NAT10: variants seen among roughly 807,000 people sequenced by gnomAD.
The protein encoded by NAT10 is RNA cytidine acetyltransferase.
A neutral mutation model predicts 132.2 loss-of-function variants in NAT10; 109 were observed. The observed-to-expected ratio is 0.82, with a 90% CI of 0.71 to 0.97. The LOEUF (loss-of-function observed/expected upper bound fraction) is 0.97. NAT10 is among the 50% of genes least tolerant of loss of function. The pLI is 0.00. For missense variants in NAT10, 1,184 were observed against 1,263.4 expected (o/e 0.94, Z 0.95); for synonymous variants, 479 against 478.0 (o/e 1.00, Z -0.03).
intron 12 of NAT10, among the ~76,000 whole-genome samples, chr11:34,129,599 C>CTTTTTTTTTTTT (rs71037399): frequency 1.8e-5 from 1 of 56,726 alleles, no homozygotes; most frequent in Admixed American, 2.9e-4. Context: ...TCTTCTTCTT[C>CTTTTTTTTTTTT]TTTTTTTTTT....
At chr11:34,117,349 T>C (rs1851799499) in intron 6 of NAT10, among the ~76,000 whole-genome samples, 1 of 152,196 alleles carries the variant, frequency 6.6e-6, no homozygotes, top group Non-Finnish European at 1.5e-5. Flanking sequence ...GGAAATGTTT[T>C]GATCGTAATG....
chr11:34,127,007 C>T (rs761055776), intron 11 of NAT10, among the ~76,000 whole-genome samples: 3 of 152,122 alleles, frequency 2.0e-5, no homozygotes, highest in African/African-American at 7.2e-5. Context: ...CCACTGGGGT[C>T]GAGCTATGCC....
At chr11:34,126,763 C>T (rs1852000921) in intron 11 of NAT10, among the ~76,000 whole-genome samples, 1 of 152,154 alleles carries the variant, frequency 6.6e-6, no homozygotes, top group Admixed American at 6.5e-5. Flanking sequence ...ATTCAGGTTT[C>T]CTATAAGATA....
intron 5 of NAT10, among the ~76,000 whole-genome samples, 186 bp downstream of exon 5, chr11:34,114,024 A>G (rs2957482): frequency 0.99 from 151,129 of 152,346 alleles, 74,973 homozygotes; most frequent in East Asian, 1. Context: ...GTCCATGAGT[A>G]TGCCTAGGAA....
chr11:34,128,648 A>G (rs1036254387), intron 12 of NAT10, among the ~76,000 whole-genome samples: 13 of 152,212 alleles, frequency 8.5e-5, no homozygotes, highest in African/African-American at 1.4e-4. Context: ...AAATACTGAA[A>G]TAAAATGGAT....
Position 34,131,418 on chromosome 11 carries a change from C to T in NAT10, c.1407C>T (p.Ile469=). 1 of 1,614,162 alleles carries T rather than the reference C, an allele frequency of 6.2e-7. No individual in the cohort carries two copies. The highest frequency in any genetic ancestry group is 8.5e-7 in the Non-Finnish European group (1 of 1,180,026). The change falls in exon 14 of 29, where the codon ATC becomes ATT. Residue 469 remains isoleucine, a synonymous_variant. Transcript: ENST00000257829. Reference sequence around the variant, plus strand: ...ATGAGGTTTCCCTCCAGGAGTCAATCCGATACGCCCCTGGGGATGCAGTGG... The same window carrying T: ...ATGAGGTTTCCCTCCAGGAGTCAATTCGATACGCCCCTGGGGATGCAGTGG... ...TLYEVSLQES[I]RYAPGDAVEK... is the part of the protein sequence containing the mutation.
chr11:34,113,974 AT>A, intron 5 of NAT10, 136 bp downstream of exon 5: 1 of 1,033,864 alleles, frequency 9.7e-7, no homozygotes. Context: ...GAGCTCTTTG[AT>A]TTTAACTAAT....
chr11:34,114,875 G>A (rs1203507496), intron 5 of NAT10, among the ~76,000 whole-genome samples: 3 of 152,152 alleles, frequency 2.0e-5, no homozygotes, highest in South Asian at 2.1e-4. Context: ...CTGGAGGGCC[G>A]ATCACAGTGG....
chr11:34,108,627 A>C, intron 2 of NAT10, 115 bp from the exon 3 acceptor site: 2 of 977,728 alleles, frequency 2.0e-6, no homozygotes, highest in Non-Finnish European at 3.1e-6. Context: ...AACCTTGGGC[A>C]CTTCCCTTCC....
At chr11:34,136,493 T>G (rs560173626) in intron 19 of NAT10, 149 bp from the exon 20 acceptor site, 1 of 820,608 alleles carries the variant, frequency 1.2e-6, no homozygotes, top group African/African-American at 1.7e-5. Flanking sequence ...GACTCCGGTG[T>G]TCTCATAGTT....
Position 34,127,533 on chromosome 11 carries a change from T to C in NAT10, c.1178T>C (p.Ile393Thr). ...ELVVIDEAAAIPLPLVKSLLG... is the reference protein window; with the variant it reads ...ELVVIDEAAATPLPLVKSLLG... ...GTTGTGATTGATGAAGCTGCCGCCA[T>C]CCCCCTCCCCTTGGTGAAGAGCCTA... The change falls in exon 12 of 29, where the codon ATC (isoleucine) becomes ACC (threonine). Residue 393 changes from isoleucine to threonine, a missense_variant. Transcript: ENST00000257829. 1 of 1,613,940 alleles carries C rather than the reference T, an allele frequency of 6.2e-7. No individual in the cohort carries two copies. Among genetic ancestry groups the C allele is most frequent in the South Asian group, 1.1e-5 (1 of 91,048 alleles).
Position 34,118,112 on chromosome 11 carries a change from A to C in NAT10, c.558-68A>C, listed in dbSNP as rs889746861. The C allele has an allele frequency of 4.4e-5, 58 of 1,311,682 alleles. 3 individuals carry two copies. In the South Asian group the frequency reaches 7.1e-4, roughly 16 times the overall value. 81.3% of individuals were successfully genotyped at this position (1,311,682 alleles called of 1,614,324 possible). On this transcript the variant is annotated intron_variant, in intron 6 of 28. Transcript: ENST00000257829. ...TGGGGCCAGTTAATTTTTTTGAAGA[A>C]AAGTTATACTCTGTATAGACATTGC...
At chr11:34,115,671 A>G in intron 5 of NAT10, 152 bp from the exon 6 acceptor site, 1 of 634,910 alleles carries the variant, frequency 1.6e-6, no homozygotes, top group Non-Finnish European at 2.7e-6. Flanking sequence ...TCCCAGTTTC[A>G]GCAAATACCA....
chr11:34,124,297 A>G lies in NAT10; in HGVS notation c.1009-5A>G. 3 of 1,601,938 alleles carry G rather than the reference A, an allele frequency of 1.9e-6. No individual in the cohort carries two copies. Among genetic ancestry groups the G allele is most frequent in the Non-Finnish European group, 2.6e-6 (3 of 1,171,938 alleles). On this transcript the variant is annotated splice_polypyrimidine_tract_variant and splice_region_variant and intron_variant, in intron 10 of 28. Coordinates refer to ENST00000257829, the MANE Select transcript of NAT10 (RefSeq NM_024662.3). ...AAGTTTGTCATTGGTTTGACTCCCC[A>G]CCAGGAACATCTGGATTATGAGATT...
intron 14 of NAT10, 79 bp downstream of exon 14, chr11:34,131,610 T>A: frequency 1.4e-6 from 2 of 1,403,548 alleles, no homozygotes; most frequent in South Asian, 1.4e-5. Flanking sequence ...AGTCCTTTGT[T>A]TCATAGGATG....
At chr11:34,136,920 C>G in intron 20 of NAT10, 58 bp from the exon 21 acceptor site, 2 of 1,611,790 alleles carry the variant, frequency 1.2e-6, no homozygotes, top group African/African-American at 1.3e-5. Context: ...CCTTGTGTGT[C>G]TATCAGCCAC....
At position 34,133,093 on chromosome 11, in the gene NAT10, C is replaced by G; in HGVS notation, c.1685C>G (p.Pro562Arg). ...PAHHLFCLLP[P>R]VPPTQNALPE... is the part of the protein sequence containing the mutation. The stretch of plus-strand genomic sequence containing the variant: ...CACCATCTCTTCTGCCTTCTGCCTC[C>G]CGTGCCCCCCACCCAGAATGCCCTT... Residue 562 changes from proline to arginine, a missense_variant, in exon 16 of 29, where the codon CCC becomes CGC. By Grantham distance (103) the Pro-to-Arg change is moderately radical. Transcript: ENST00000257829. 6.2e-7 allele frequency: 1 copy of G among 1,612,458 alleles called. No individual in the cohort carries two copies. Among genetic ancestry groups the G allele is most frequent in the Non-Finnish European group, 8.5e-7 (1 of 1,178,600 alleles).
At chr11:34,131,649 A>C in intron 14 of NAT10, 118 bp downstream of exon 14, 1 of 1,013,456 alleles carries the variant, frequency 9.9e-7, no homozygotes, top group African/African-American at 1.8e-5. Flanking sequence ...AAAGTTGAAC[A>C]TTTTCAATTT....
chr11:34,137,640 C>G (rs1174656011), intron 21 of NAT10, among the ~76,000 whole-genome samples: 3 of 152,114 alleles, frequency 2.0e-5, no homozygotes, highest in Non-Finnish European at 4.4e-5. Context: ...CTTAGAGTAG[C>G]AATTGCTGTG....
Sources: allele counts gnomAD v4.1 joint callset (sites outside exome capture counted in the v4.1 genomes callset), GRCh38; gene constraint gnomAD v4.1.1; transcripts MANE v1.5; gene names NCBI Gene and HGNC (gene_info 2026-07-23, HGNC 2026-07-21).